Variants in TANC2 observed in about 807,000 individuals in gnomAD.
TANC2 encodes tetratricopeptide repeat, ankyrin repeat and coiled-coil containing 2.
In TANC2, 26 loss-of-function variants were observed where a neutral mutation model predicts 210.5. The ratio of observed to expected loss-of-function variants is 0.12; its 90% CI spans 0.09 to 0.17. The LOEUF (loss-of-function observed/expected upper bound fraction) is 0.17, where lower values mean the gene tolerates loss of function less well. TANC2 is among the 10% of genes least tolerant of loss of function. The pLI is 1.00. For missense variants in TANC2, 2,129 were observed against 2,608.9 expected (o/e 0.82, Z 4.01); for synonymous variants, 931 against 967.1 (o/e 0.96, Z 0.69).
intron 1 of TANC2, among the ~76,000 whole-genome samples, chr17:62,991,432 A>T (rs542408424): frequency 1.3e-4 from 20 of 151,942 alleles, no homozygotes; most frequent in African/African-American, 4.6e-4. Context: ...AGGTCAGGAG[A>T]TCGAGACCAT....
intron 2 of TANC2, among the ~76,000 whole-genome samples, chr17:63,044,727 A>C (rs1004830588): frequency 1.3e-5 from 2 of 152,062 alleles, no homozygotes; most frequent in African/African-American, 4.8e-5. Context: ...TCTTTTTCCT[A>C]TCCAGTAGTC....
In TANC2 at chr17:63,099,230, A is replaced by G. The variant is rs560539665; in HGVS notation, c.195A>G (p.Pro65=). Reference sequence around the variant, plus strand: ...TTGAGCCAGACTACGCTGTCCCGCCACTTCCAGTGAGTGAAGGTATGCAGC... The same window carrying G: ...TTGAGCCAGACTACGCTGTCCCGCCGCTTCCAGTGAGTGAAGGTATGCAGC... The change falls in exon 4 of 28, where the codon CCA becomes CCG. Residue 65 remains proline (P), a synonymous_variant. Coordinates refer to ENST00000689528, the Ensembl canonical transcript of TANC2. 3.0e-5 allele frequency: 49 copies of G among 1,610,676 alleles called. 1 individual carries two copies. In the East Asian group the frequency reaches 8.9e-4, roughly 29 times the overall value.
intron 15 of TANC2, among the ~76,000 whole-genome samples, chr17:63,386,781 A>G (rs2047792767): frequency 6.6e-6 from 1 of 152,116 alleles, no homozygotes; most frequent in Non-Finnish European, 1.5e-5. Context: ...TTTTATAACA[A>G]ATTTGTATTA....
rs757023156 is a variant in TANC2, at chr17:63,009,635, C to G, written c.67+9C>G. On this transcript the variant is annotated intron_variant, in intron 2 of 27. Coordinates refer to ENST00000689528, the Ensembl canonical transcript of TANC2. ...TAAAAACAGGTCAAGTGGTAAGTGA[C>G]TATGCTACATTTATTGTGCGTGATA... 1.9e-6 allele frequency: 3 copies of G among 1,610,758 alleles called. No individual in the cohort carries two copies. In the South Asian group the frequency reaches 3.3e-5, roughly 18 times the overall value.
chr17:63,058,418 T>C (rs1384074791), intron 2 of TANC2, among the ~76,000 whole-genome samples: 2 of 152,366 alleles, frequency 1.3e-5, no homozygotes, highest in Non-Finnish European at 2.9e-5. Flanking sequence ...AGAAGCTCTT[T>C]TGTTTAATTA....
At chr17:63,380,634 C>A (rs1261402182) in intron 15 of TANC2, among the ~76,000 whole-genome samples, 1 of 152,214 alleles carries the variant, frequency 6.6e-6, no homozygotes, top group African/African-American at 2.4e-5. Flanking sequence ...TTTCAGAATT[C>A]TTTTCCTGCC....
chr17:63,354,056 G>A (rs1164476000), intron 13 of TANC2, among the ~76,000 whole-genome samples: 2 of 152,158 alleles, frequency 1.3e-5, no homozygotes, highest in South Asian at 2.1e-4. Context: ...TGGAGTTTAT[G>A]TATGTGTGAC....
chr17:63,343,642 T>C (rs1598899821), intron 12 of TANC2, among the ~76,000 whole-genome samples: 2 of 152,216 alleles, frequency 1.3e-5, no homozygotes, highest in Non-Finnish European at 2.9e-5. Flanking sequence ...TGGTGGCTTA[T>C]GCCTGTAATC....
intron 2 of TANC2, among the ~76,000 whole-genome samples, chr17:63,039,716 G>T (rs1350100240): frequency 6.6e-6 from 1 of 152,170 alleles, no homozygotes; most frequent in East Asian, 1.9e-4. Context: ...AGCCTTGGAT[G>T]TGGTTCAGTA....
At chr17:63,276,539 T>G (rs1186319719) in intron 9 of TANC2, among the ~76,000 whole-genome samples, 1 of 151,872 alleles carries the variant, frequency 6.6e-6, no homozygotes, top group Non-Finnish European at 1.5e-5. Flanking sequence ...TTTGTTCTCT[T>G]TCTGAAAATT....
At chr17:63,387,414 A>G (rs181904248) in intron 15 of TANC2, among the ~76,000 whole-genome samples, 14 of 152,258 alleles carry the variant, frequency 9.2e-5, no homozygotes, top group African/African-American at 3.4e-4. Flanking sequence ...GTCTTGTTAG[A>G]TGAATTTATA....
At chr17:63,278,195 A>G (rs557834791) in intron 9 of TANC2, among the ~76,000 whole-genome samples, 2 of 152,258 alleles carry the variant, frequency 1.3e-5, no homozygotes, top group South Asian at 4.1e-4. Flanking sequence ...TAACAAGGCA[A>G]TCTATGGAAT....
At chr17:62,988,230 C>T (rs561892382) in intron 1 of TANC2, among the ~76,000 whole-genome samples, 5 of 151,300 alleles carry the variant, frequency 3.3e-5, no homozygotes, top group Admixed American at 6.6e-5. Context: ...TAGGTTCAAG[C>T]GATTCTTCTG....
At chr17:63,118,876 G>A (rs893377358) in intron 4 of TANC2, among the ~76,000 whole-genome samples, 1 of 148,924 alleles carries the variant, frequency 6.7e-6, no homozygotes, top group Admixed American at 6.8e-5. Flanking sequence ...TCTGCCTCCC[G>A]GGTTCACACC....
intron 9 of TANC2, among the ~76,000 whole-genome samples, chr17:63,300,212 A>G (rs534878494): frequency 6.6e-6 from 1 of 152,324 alleles, no homozygotes; most frequent in South Asian, 2.1e-4. Context: ...GAAGTCAGGT[A>G]GCATGATGCC....
chr17:63,387,854 C>T (rs2047834479), intron 15 of TANC2: 1 of 152,190 alleles, frequency 6.6e-6, no homozygotes, highest in South Asian at 2.1e-4. Context: ...GAAATCAAGC[C>T]TGTATTGCTG....
At chr17:63,037,969 T>G (rs1346815274) in intron 2 of TANC2, among the ~76,000 whole-genome samples, 1 of 152,194 alleles carries the variant, frequency 6.6e-6, no homozygotes, top group African/African-American at 2.4e-5. Context: ...CTTTTGATAA[T>G]AGGGAGAGTT....
intron 1 of TANC2, among the ~76,000 whole-genome samples, chr17:62,988,567 T>G (rs1183937229): frequency 1.3e-5 from 2 of 152,148 alleles, no homozygotes; most frequent in African/African-American, 4.8e-5. Context: ...GAATGGTGTA[T>G]GAAGTTTATG....
chr17:63,058,537 G>A (rs188820207), intron 2 of TANC2, among the ~76,000 whole-genome samples: 1 of 152,282 alleles, frequency 6.6e-6, no homozygotes, highest in Admixed American at 6.5e-5. Flanking sequence ...TTGTCTTCTA[G>A]GGTTTTTATA....
Sources: allele counts gnomAD v4.1 joint callset (sites outside exome capture counted in the v4.1 genomes callset), GRCh38; gene constraint gnomAD v4.1.1; transcripts MANE v1.5; gene names NCBI Gene and HGNC (gene_info 2026-07-23, HGNC 2026-07-21).